ZNF385D: variants seen among roughly 807,000 people sequenced by gnomAD.
ZNF385D encodes zinc finger protein 659.
A neutral mutation model predicts 35.8 loss-of-function variants in ZNF385D; 15 were observed. The observed-to-expected ratio is 0.42, with a 90% CI of 0.28 to 0.64. ZNF385D has a LOEUF of 0.64. ZNF385D is among the 30% of genes least tolerant of loss of function. The pLI is 0.23. For missense variants in ZNF385D, 474 were observed against 494.6 expected (o/e 0.96, Z 0.39); for synonymous variants, 212 against 186.8 (o/e 1.13, Z -1.10).
chr3:21,917,388 G>A (rs966484138), intron 3 of ZNF385D, among the ~76,000 whole-genome samples: 1 of 151,902 alleles, frequency 6.6e-6, no homozygotes, highest in African/African-American at 2.4e-5. Flanking sequence ...GCTGAGATCG[G>A]GCCATTGCAC....
intron 2 of ZNF385D, among the ~76,000 whole-genome samples, chr3:22,330,251 T>C (rs1445564694): frequency 1.3e-5 from 2 of 152,206 alleles, no homozygotes; most frequent in Non-Finnish European, 2.9e-5. Context: ...TATTTGTCCA[T>C]TTAAGAATTT....
intron 2 of ZNF385D, among the ~76,000 whole-genome samples, chr3:21,570,912 A>G (rs2063316231): frequency 1.3e-5 from 2 of 152,152 alleles, no homozygotes; most frequent in Admixed American, 1.3e-4. Context: ...ATGTTTTTAT[A>G]TTACTCACAT....
At chr3:21,944,797 T>A (rs562101625) in intron 3 of ZNF385D, among the ~76,000 whole-genome samples, 1 of 152,148 alleles carries the variant, frequency 6.6e-6, no homozygotes, top group East Asian at 1.9e-4. Flanking sequence ...TTATGACACA[T>A]TTAATTTTTT....
At chr3:21,778,853 A>T (rs912300528) in intron 3 of ZNF385D, among the ~76,000 whole-genome samples, 1 of 151,950 alleles carries the variant, frequency 6.6e-6, no homozygotes, top group African/African-American at 2.4e-5. Flanking sequence ...GACTATTTTA[A>T]TGAAACAAAA....
chr3:22,081,927 C>T (rs144782635), intron 3 of ZNF385D, among the ~76,000 whole-genome samples: 2 of 151,108 alleles, frequency 1.3e-5, no homozygotes, highest in African/African-American at 4.9e-5. Flanking sequence ...CCTCTTAAAG[C>T]TATTGCTTCC....
chr3:21,909,602 A>C (rs190468936), intron 3 of ZNF385D, among the ~76,000 whole-genome samples: 1 of 152,166 alleles, frequency 6.6e-6, no homozygotes. Flanking sequence ...CTCCAACTCA[A>C]GGTCCTGAAT....
At chr3:21,829,346 A>G (rs1198150876) in intron 3 of ZNF385D, among the ~76,000 whole-genome samples, 1 of 152,126 alleles carries the variant, frequency 6.6e-6, no homozygotes, top group African/African-American at 2.4e-5. Context: ...GGAGGCAAAG[A>G]GCTTTCTCAG....
chr3:21,882,585 C>G (rs898223331), intron 3 of ZNF385D, among the ~76,000 whole-genome samples: 48 of 152,080 alleles, frequency 3.2e-4, no homozygotes, highest in African/African-American at 1.1e-3. Flanking sequence ...TGCACTAACT[C>G]TGAGTCGTGC....
At chr3:21,759,200 T>C (rs916380558) in intron 3 of ZNF385D, among the ~76,000 whole-genome samples, 1 of 151,972 alleles carries the variant, frequency 6.6e-6, no homozygotes, top group Non-Finnish European at 1.5e-5. Flanking sequence ...AAAGATGATA[T>C]TATGAAGGGG....
intron 3 of ZNF385D, among the ~76,000 whole-genome samples, chr3:22,132,110 G>T (rs1026111956): frequency 3.3e-5 from 5 of 152,122 alleles, no homozygotes; most frequent in African/African-American, 4.8e-5. Context: ...GTGGTGCTAT[G>T]GTCTGAATAT....
intron 3 of ZNF385D, among the ~76,000 whole-genome samples, chr3:21,878,775 C>G (rs1698115553): frequency 1.3e-5 from 2 of 152,076 alleles, no homozygotes; most frequent in Admixed American, 6.6e-5. Flanking sequence ...TTAGCTGTAA[C>G]ACGACATGCC....
At chr3:22,012,392 T>TA (rs1226172284) in intron 3 of ZNF385D, among the ~76,000 whole-genome samples, 1 of 152,252 alleles carries the variant, frequency 6.6e-6, no homozygotes, top group Non-Finnish European at 1.5e-5. Flanking sequence ...GTTTTAGTGC[T>TA]AAAAAATAAA....
intron 3 of ZNF385D, among the ~76,000 whole-genome samples, chr3:21,550,821 A>G (rs3911494): frequency 0.69 from 104,984 of 152,028 alleles, 37,397 homozygotes; most frequent in African/African-American, 0.88. Flanking sequence ...ATATCTCAAT[A>G]TATTGTAATG....
chr3:22,134,562 T>C (rs912334965), intron 3 of ZNF385D, among the ~76,000 whole-genome samples: 11 of 152,186 alleles, frequency 7.2e-5, no homozygotes, highest in African/African-American at 2.7e-4. Context: ...ATACATATTT[T>C]TTCAAGCATA....
chr3:22,319,917 T>C (rs1397273743), intron 2 of ZNF385D, among the ~76,000 whole-genome samples: 4 of 152,186 alleles, frequency 2.6e-5, no homozygotes, highest in African/African-American at 4.8e-5. Flanking sequence ...CTATGTCCCA[T>C]AGGTTTTTAT....
At chr3:22,073,667 C>T (rs982277919) in intron 3 of ZNF385D, among the ~76,000 whole-genome samples, 10 of 151,456 alleles carry the variant, frequency 6.6e-5, no homozygotes, top group South Asian at 4.2e-4. Flanking sequence ...AGCATAGTAC[C>T]AGCTATCCTA....
chr3:22,179,448 C>G (rs1422979795), intron 2 of ZNF385D, among the ~76,000 whole-genome samples: 1 of 152,396 alleles, frequency 6.6e-6, no homozygotes. Flanking sequence ...TATCCTGAGA[C>G]TTTGCTGAAG....
chr3:21,762,218 T>A lies in ZNF385D; in HGVS notation c.326-97190A>T, dbSNP rs573005105. 1.4e-3 allele frequency among the ~76,000 whole-genome samples: 214 copies of A among 152,248 alleles called. 1 individual carries two copies. The highest frequency in any genetic ancestry group is 2.6e-3 in the Non-Finnish European group (180 of 67,998). On this transcript the variant is annotated intron_variant, in intron 3 of 5. Transcript: ENST00000494108. Reference sequence around the variant, plus strand: ...TTTTCTAATATCTTGAGGATAATATTCGAAGTTCTCTCCTGTTGGATTCAG... The same window carrying A: ...TTTTCTAATATCTTGAGGATAATATACGAAGTTCTCTCCTGTTGGATTCAG...
chr3:22,004,358 G>A (rs1685905382), intron 3 of ZNF385D, among the ~76,000 whole-genome samples: 1 of 143,772 alleles, frequency 7.0e-6, no homozygotes, highest in Admixed American at 6.8e-5. Flanking sequence ...AATGCTGCAG[G>A]ACATTGGTCT....
Sources: gnomAD v4.1 joint callset for allele counts (sites outside exome capture counted in the v4.1 genomes callset) on GRCh38, gnomAD v4.1.1 for gene constraint, MANE v1.5 for transcripts, NCBI Gene and HGNC (gene_info 2026-07-23, HGNC 2026-07-21) for gene names.